The following GRB2 variants were observed in gnomAD, a reference collection of about 807,000 sequenced individuals.
The protein encoded by GRB2 is growth factor receptor-bound protein 2.
Under a neutral mutation model 27.4 loss-of-function variants are expected in GRB2, and 2 were observed. The observed-to-expected ratio is 0.07, with a 90% confidence interval of 0.03 to 0.23. GRB2 has a LOEUF of 0.23. Ranked by LOEUF, GRB2 falls within the 10% of genes least tolerant of loss-of-function variation. The pLI, the probability that GRB2 is intolerant of heterozygous loss-of-function variation, is 1.00. For missense variants in GRB2, 102 were observed against 282.4 expected, an observed-to-expected ratio of 0.36 and a Z score of 4.58; for synonymous variants, 94 against 99.6, an observed-to-expected ratio of 0.94 and a Z score of 0.33.
At chr17:75,389,643 G>A (rs954512455) in intron 2 of GRB2, among the ~76,000 whole-genome samples, 3 of 152,062 alleles carry the variant, frequency 2.0e-5, no homozygotes, top group Admixed American at 6.6e-5. Context: ...TCAGGAGATC[G>A]AGACCATCCT....
intron 5 of GRB2, 56 bp downstream of exon 5, chr17:75,321,603 C>CA (rs1490652341): frequency 2.0e-6 from 3 of 1,534,896 alleles, no homozygotes; most frequent in Non-Finnish European, 2.7e-6. Flanking sequence ...CAGGAATGCA[C>CA]ACTGAGGAGC....
intron 4 of GRB2, among the ~76,000 whole-genome samples, chr17:75,324,679 G>C (rs1180701507): frequency 6.6e-6 from 1 of 151,022 alleles, no homozygotes; most frequent in African/African-American, 2.4e-5. Flanking sequence ...CACTATGCCT[G>C]GGTTATTTTC....
intron 3 of GRB2, among the ~76,000 whole-genome samples, chr17:75,328,115 G>A (rs1598218238): frequency 6.6e-6 from 1 of 151,992 alleles, no homozygotes; most frequent in African/African-American, 2.4e-5. Flanking sequence ...CTTGAGGTCA[G>A]GAGTTTGAGA....
intron 2 of GRB2, among the ~76,000 whole-genome samples, chr17:75,355,236 T>C (rs2078724063): frequency 6.6e-6 from 1 of 152,212 alleles, no homozygotes; most frequent in African/African-American, 2.4e-5. Flanking sequence ...GCATCATCAA[T>C]TTTAATTAAA....
intron 2 of GRB2, chr17:75,371,159 T>TAAAAATA (rs1474278291): frequency 6.6e-6 from 1 of 151,554 alleles, no homozygotes; most frequent in Non-Finnish European, 1.5e-5. Context: ...AAATAAAACA[T>TAAAAATA]AAAAATAAAA....
At chr17:75,369,956 T>C (rs1367722485) in intron 2 of GRB2, among the ~76,000 whole-genome samples, 1 of 152,018 alleles carries the variant, frequency 6.6e-6, no homozygotes, top group African/African-American at 2.4e-5. Context: ...ACTCAAAGCA[T>C]ATATATGTTC....
At position 75,351,682 on chromosome 17, in the gene GRB2, C is replaced by T. The variant is rs1004218268; in HGVS notation, c.79-18885G>A. ...AAAAAAAAGTTTAATTATTCTCCAC[C>T]ATAAACAAAGACAAAGAGAAAGAAA... On this transcript the variant is annotated intron_variant, in intron 2 of 5. Transcript: ENST00000316804. Among the ~76,000 whole-genome samples the T allele has an allele frequency of 3.9e-5, 6 of 152,142 alleles. No homozygotes were observed. In the East Asian group the frequency reaches 9.6e-4, roughly 24 times the overall value.
At chr17:75,338,875 A>G in intron 2 of GRB2, 1 of 798,222 alleles carries the variant, frequency 1.3e-6, no homozygotes, top group Non-Finnish European at 2.2e-6. Flanking sequence ...GAAGTGTGGC[A>G]AGCATCAACC....
chr17:75,364,312 ATGAG>A (rs2078805755), intron 2 of GRB2, among the ~76,000 whole-genome samples: 1 of 152,226 alleles, frequency 6.6e-6, no homozygotes, highest in Admixed American at 6.5e-5. Flanking sequence ...TGTTTGAGAA[ATGAG>A]TTAGTCTCTC....
At chr17:75,386,377 C>G (rs1217543213) in intron 2 of GRB2, among the ~76,000 whole-genome samples, 1 of 152,162 alleles carries the variant, frequency 6.6e-6, no homozygotes, top group Non-Finnish European at 1.5e-5. Context: ...TTTGGCCTCC[C>G]AAAGTGCTGG....
intron 2 of GRB2, among the ~76,000 whole-genome samples, chr17:75,393,237 T>C (rs1220094392): frequency 5.3e-5 from 8 of 152,360 alleles, no homozygotes; most frequent in Admixed American, 5.2e-4. Flanking sequence ...AATAAAACTC[T>C]ACAGGGCAAA....
chr17:75,321,535 G>A, intron 5 of GRB2, 124 bp downstream of exon 5: 1 of 803,720 alleles, frequency 1.2e-6, no homozygotes, highest in East Asian at 2.4e-5. Flanking sequence ...GAGCACAGAA[G>A]CCCCAGCGGC....
At chr17:75,326,770 CTG>C (rs1239898329) in intron 3 of GRB2, among the ~76,000 whole-genome samples, 1 of 152,230 alleles carries the variant, frequency 6.6e-6, no homozygotes, top group Non-Finnish European at 1.5e-5. Context: ...TCATGAAAAA[CTG>C]TGAAGCAACT....
intron 2 of GRB2, chr17:75,387,560 G>A (rs992757059): frequency 2.0e-5 from 3 of 152,104 alleles, no homozygotes; most frequent in Admixed American, 6.6e-5. Context: ...ACTTTGGGAG[G>A]CCGAGGCAGG....
intron 2 of GRB2, among the ~76,000 whole-genome samples, chr17:75,364,281 T>C (rs1327165038): frequency 1.3e-5 from 2 of 152,246 alleles, no homozygotes; most frequent in African/African-American, 4.8e-5. Flanking sequence ...TTTTATTACA[T>C]ACCTATGTAG....
At chr17:75,390,237 G>A (rs2078989859) in intron 2 of GRB2, among the ~76,000 whole-genome samples, 1 of 152,206 alleles carries the variant, frequency 6.6e-6, no homozygotes. Context: ...GAAAGCAAGA[G>A]GCTGGCTCTA....
At chr17:75,359,658 T>TC (rs1343524427) in intron 2 of GRB2, among the ~76,000 whole-genome samples, 18 of 152,116 alleles carry the variant, frequency 1.2e-4, no homozygotes, top group Non-Finnish European at 2.4e-4. Flanking sequence ...TGCCTTGAAC[T>TC]CCAAGTTTCA....
At chr17:75,402,058 A>G (rs1567879234) in intron 1 of GRB2, among the ~76,000 whole-genome samples, 1 of 152,186 alleles carries the variant, frequency 6.6e-6, no homozygotes, top group Admixed American at 6.5e-5. Context: ...CCTACCAAAC[A>G]CCACAGCTTA....
At chr17:75,342,650 G>A (rs984536067) in intron 2 of GRB2, among the ~76,000 whole-genome samples, 7 of 152,140 alleles carry the variant, frequency 4.6e-5, no homozygotes, top group Non-Finnish European at 8.8e-5. Context: ...TCCAAGCAAG[G>A]AGAGGTAAAG....
Sources: gnomAD v4.1 joint callset for allele counts (sites outside exome capture counted in the v4.1 genomes callset) on GRCh38, gnomAD v4.1.1 for gene constraint, MANE v1.5 for transcripts, NCBI Gene and HGNC (gene_info 2026-07-23, HGNC 2026-07-21) for gene names.